Variants in COMP observed in about 807,000 individuals in gnomAD.
The protein encoded by COMP is cartilage oligomeric matrix protein, also known as cartilage oligomeric matrix protein (pseudoachondroplasia, epiphyseal dysplasia 1, multiple).
In COMP, 79 loss-of-function variants were observed where a neutral mutation model predicts 95.8. That is an observed-to-expected ratio of 0.82 (90% confidence interval 0.69 to 0.99). The LOEUF (loss-of-function observed/expected upper bound fraction) is 0.99, where lower values mean the gene tolerates loss of function less well. Ranked by LOEUF, COMP falls within the 50% of genes least tolerant of loss-of-function variation. The pLI is 0.00. For synonymous variants in COMP, 438 were observed against 433.9 expected (o/e 1.01, Z -0.12); for missense variants, 906 against 1,076.1 (o/e 0.84, Z 2.21).
Position 18,788,419 on chromosome 19 carries a change from C to G in COMP, c.858G>C (p.Gln286His). 6.2e-7 allele frequency: 1 copy of G among 1,607,890 alleles called. No homozygotes were observed. The change falls in exon 8 of 19, where the codon CAG becomes CAC. Residue 286 changes from glutamine (Q) to histidine (H), a missense_variant. By Grantham distance (24) the Gln-to-His change is conservative. Coordinates refer to ENST00000222271, the MANE Select transcript of COMP (RefSeq NM_000095.3). This position sits in a 1 kb window ranked among gnomAD's most constrained non-coding sequence, Gnocchi z 4.7. ...CTCCGCCCCCACCCACCTTACGGCACTGGCGCTCCGGGCAGCGCAGCTTCT... is the reference window on the plus strand; with the variant it reads ...CTCCGCCCCCACCCACCTTACGGCAGTGGCGCTCCGGGCAGCGCAGCTTCT... Reference protein sequence around the residue: ...PDEKLRCPERQCRKDNCVTVP... With the variant: ...PDEKLRCPERHCRKDNCVTVP...
At chr19:18,785,199 C>G in intron 15 of COMP, 107 bp from the exon 16 acceptor site, 1 of 1,119,900 alleles carries the variant, frequency 8.9e-7, no homozygotes, top group Admixed American at 1.9e-5. Context: ...TGCCTGCAGA[C>G]CTGCACCATT....
At position 18,788,145 on chromosome 19, in the gene COMP, G is replaced by T; in HGVS notation, c.975+67C>A. The T allele has an allele frequency of 3.0e-6, 4 of 1,329,556 alleles. No individual in the cohort carries two copies. The highest frequency in any genetic ancestry group is 4.7e-5 in the East Asian group (2 of 42,816). 82.4% of individuals were successfully genotyped at this position (1,329,556 alleles called of 1,614,324 possible). A position where few individuals can be genotyped will look rare whatever the true frequency, so the allele number is the denominator to read the frequency against. On this transcript the variant is annotated intron_variant, in intron 9 of 18. Coordinates refer to ENST00000222271, the MANE Select transcript of COMP (RefSeq NM_000095.3). The surrounding 1 kb of genome is among the most constrained non-coding windows in gnomAD (Gnocchi z 4.7). ...TCTCCATCTCTTGACCTCGTGATCC[G>T]CCCGCCTCGGCCTCCCAAAGTGCTG...
rs777499225 is a variant in COMP at position 18,788,933 on chromosome 19, A to C, written c.529-20T>G. ...GCAAACCTAGGGGAGGGGAACTCAG[A>C]GGTCACCACCCCACGCAGACACCTC... On this transcript the variant is annotated intron_variant, in intron 5 of 18. Transcript: ENST00000222271. This position sits in a 1 kb window ranked among gnomAD's most constrained non-coding sequence, Gnocchi z 4.7. 1.9e-6 allele frequency: 3 copies of C among 1,611,936 alleles called. No individual in the cohort carries two copies. The South Asian group carries it at 3.3e-5, about 18-fold the overall frequency.
chr19:18,786,569 G>T lies in COMP; in HGVS notation c.1217C>A (p.Ala406Asp). Residue 406 changes from alanine to aspartate, a missense_variant, in exon 11 of 19, where the codon GCC (alanine) becomes GAC (aspartate). Transcript: ENST00000222271. ...GCTCTTCTGGGGACAGTTGTCACAGGCATCCCCTATACCATCGCCATCACT... is the reference window on the plus strand; with the variant it reads ...GCTCTTCTGGGGACAGTTGTCACAGTCATCCCCTATACCATCGCCATCACT... ...KDSDGDGIGDACDNCPQKSNP... is the reference protein window; with the variant it reads ...KDSDGDGIGDDCDNCPQKSNP... The T allele has an allele frequency of 6.2e-7, 1 of 1,614,068 alleles. No individual in the cohort carries two copies. Among genetic ancestry groups the T allele is most frequent in the South Asian group, 1.1e-5 (1 of 91,076 alleles).
rs2055196762 is a variant in COMP, at chr19:18,789,665, G to A, written c.390+277C>T. 6.6e-6 allele frequency among the ~76,000 whole-genome samples: 1 copy of A among 151,784 alleles called. No homozygotes were observed. The highest frequency in any genetic ancestry group is 1.5e-5 in the Non-Finnish European group (1 of 67,912). ...GCGATCCCCTGCGGCGAGGAGGGTA[G>A]CTGGGGCGGACCACCCCTGGCGGTG... On this transcript the variant is annotated intron_variant, in intron 4 of 18. Coordinates refer to ENST00000222271, the MANE Select transcript of COMP (RefSeq NM_000095.3). This position sits in a 1 kb window ranked among gnomAD's most constrained non-coding sequence, Gnocchi z 6.1.
rs557134436 is a variant in COMP at position 18,785,465 on chromosome 19, C to A, written c.1717+33G>T. On this transcript the variant is annotated intron_variant, in intron 15 of 18. Coordinates refer to ENST00000222271, the MANE Select transcript of COMP (RefSeq NM_000095.3). ...CTGGCCCCTCTCCCTGAGCCCGCTC[C>A]GTGGCAGGATAGCGCTGCTCCCCGC... is the stretch of plus-strand genomic sequence containing the variant. 2.5e-6 allele frequency: 4 copies of A among 1,612,266 alleles called. No individual in the cohort carries two copies. In the South Asian group the frequency reaches 3.3e-5, roughly 13 times the overall value.
Position 18,789,962 on chromosome 19 carries a change from G to A in COMP, c.370C>T (p.His124Tyr). 2 of 1,593,378 alleles carry A rather than the reference G, an allele frequency of 1.3e-6. No homozygotes were observed. Among genetic ancestry groups the A allele is most frequent in the Non-Finnish European group, 8.5e-7 (1 of 1,177,772 alleles). ...CGCACCTCGTTGACGTCGGTGCAGT[G>A]CGAGCCGTTGCCCGTGAAGCCCGCG... ...CPAGFTGNGSHCTDVNECNAH... is the reference protein window; with the variant it reads ...CPAGFTGNGSYCTDVNECNAH... Residue 124 changes from histidine to tyrosine, a missense_variant, in exon 4 of 19, where the codon CAC becomes TAC. Transcript: ENST00000222271. The surrounding 1 kb of genome is among the most constrained non-coding windows in gnomAD (Gnocchi z 6.1).
chr19:18,783,586 A>G (rs926351820), intron 17 of COMP, among the ~76,000 whole-genome samples: 8 of 150,552 alleles, frequency 5.3e-5, no homozygotes, highest in Non-Finnish European at 1.0e-4. Flanking sequence ...AGCTGGGACC[A>G]TGGGCACGTG....
intron 17 of COMP, 26 bp from the exon 18 acceptor site, chr19:18,783,219 G>C: frequency 6.2e-7 from 1 of 1,603,606 alleles, no homozygotes; most frequent in Non-Finnish European, 8.5e-7. Context: ...GGTGAGGCCT[G>C]GGGGACCTGG....
rs2055207964 is a variant in COMP at position 18,790,849 on chromosome 19, C to A, written c.165+1G>T. 2 of 1,561,196 alleles carry A rather than the reference C, an allele frequency of 1.3e-6. No homozygotes were observed. Among genetic ancestry groups the A allele is most frequent in the Non-Finnish European group, 1.7e-6 (2 of 1,155,754 alleles). On this transcript the variant is annotated splice_donor_variant, in intron 2 of 18. Coordinates refer to ENST00000222271, the MANE Select transcript of COMP (RefSeq NM_000095.3). LOFTEE classifies it high-confidence loss of function. ...CCCTGCCCCGCACCCGGGCCCCGCACCTGCTGCCGCAGCAGCTCCCGCACG... is the reference window on the plus strand; with the variant it reads ...CCCTGCCCCGCACCCGGGCCCCGCAACTGCTGCCGCAGCAGCTCCCGCACG...
chr19:18,788,948 G>T lies in COMP; in HGVS notation c.529-35C>A, dbSNP rs776116923. 4 of 1,606,722 alleles carry T rather than the reference G, an allele frequency of 2.5e-6. No homozygotes were observed. In the South Asian group the frequency reaches 4.4e-5, roughly 18 times the overall value. Reference sequence around the variant, plus strand: ...GGGAACTCAGAGGTCACCACCCCACGCAGACACCTCCGGACCTCCCACCTC... The same window carrying T: ...GGGAACTCAGAGGTCACCACCCCACTCAGACACCTCCGGACCTCCCACCTC... On this transcript the variant is annotated intron_variant, in intron 5 of 18. Coordinates refer to ENST00000222271, the MANE Select transcript of COMP (RefSeq NM_000095.3). The surrounding 1 kb of genome is among the most constrained non-coding windows in gnomAD (Gnocchi z 4.7).
At chr19:18,787,353 C>T (rs908561612) in intron 10 of COMP, 138 bp downstream of exon 10, 15 of 1,250,946 alleles carry the variant, frequency 1.2e-5, no homozygotes, top group Middle Eastern at 2.7e-4. Context: ...GGCGCCCCAC[C>T]ATGGTCTTTG....
rs1422744950 is a variant in COMP, at chr19:18,784,226, C to G, written c.2052G>C (p.Trp684Cys). 18 of 1,613,994 alleles carry G rather than the reference C, an allele frequency of 1.1e-5. No homozygotes were observed. The highest frequency in any genetic ancestry group is 1.5e-5 in the Non-Finnish European group (18 of 1,180,036). Residue 684 changes from tryptophan (W) to cysteine (C), a missense_variant, in exon 17 of 19, where the codon TGG becomes TGC. Physicochemically the swap from Trp to Cys is radical, Grantham distance 215. Transcript: ENST00000222271. This position sits in a 1 kb window ranked among gnomAD's most constrained non-coding sequence, Gnocchi z 4.9. ...CCACTTGGGGCCGGTGCTGCAGGAA[C>G]CAACGATAGGACTTCTTGTCCTTCC... is the stretch of plus-strand genomic sequence containing the variant. ...VGWKDKKSYR[W>C]FLQHRPQVGY...
chr19:18,784,255 C>G lies in COMP; in HGVS notation c.2023G>C (p.Gly675Arg). The change falls in exon 17 of 19, where the codon GGT becomes CGT. Residue 675 changes from glycine to arginine, a missense_variant. Coordinates refer to ENST00000222271, the MANE Select transcript of COMP (RefSeq NM_000095.3). The surrounding 1 kb of genome is among the most constrained non-coding windows in gnomAD (Gnocchi z 4.9). ...CGATAGGACTTCTTGTCCTTCCAAC[C>G]CACGTTTCGCGGGTCCTTCCACAGC... ...RLLWKDPRNV[G>R]WKDKKSYRWF... The G allele has an allele frequency of 6.2e-7, 1 of 1,614,102 alleles. No homozygotes were observed.
At position 18,788,274 on chromosome 19, in the gene COMP, G is replaced by C; in HGVS notation, c.913C>G (p.Arg305Gly). The change falls in exon 9 of 19, where the codon CGC becomes GGC. Residue 305 changes from arginine to glycine, a missense_variant. Transcript: ENST00000222271. This position sits in a 1 kb window ranked among gnomAD's most constrained non-coding sequence, Gnocchi z 4.7. ...TCGCAGGCGTCTCCGATGCCATCGC[G>C]GTCCACATCCTCCTGCCCTGAGTTG... ...VPNSGQEDVD[R>G]DGIGDACDPD... The C allele has an allele frequency of 1.2e-6, 2 of 1,613,174 alleles. No individual in the cohort carries two copies. Among genetic ancestry groups the C allele is most frequent in the Admixed American group, 1.7e-5 (1 of 60,010 alleles).
chr19:18,783,588 G>A (rs991704133), intron 17 of COMP, among the ~76,000 whole-genome samples: 1 of 151,832 alleles, frequency 6.6e-6, no homozygotes, highest in African/African-American at 2.4e-5. Flanking sequence ...CTGGGACCAT[G>A]GGCACGTGCC....
At position 18,787,880 on chromosome 19, in the gene COMP, TTC is replaced by T. The variant is rs2055180484; in HGVS notation, c.976-232_976-231del. 9.1e-5 allele frequency among the ~76,000 whole-genome samples: 8 copies of T among 87,642 alleles called. No individual in the cohort carries two copies. The East Asian group carries it at 0.01, about 111-fold the overall frequency. 57.5% of individuals were successfully genotyped at this position (87,642 alleles called of 152,430 possible). On this transcript the variant is annotated intron_variant, in intron 9 of 18. Transcript: ENST00000222271. ...TTTCTTTTTCTCTTTCTTTCTTTCT[TTC>T]TTTCTTTCTTTCTTTCTTTCTTTCT...
In COMP at chr19:18,787,596, A is replaced by G; in HGVS notation, c.1030T>C (p.Trp344Arg). The change falls in exon 10 of 19, where the codon TGG becomes CGG. Residue 344 changes from tryptophan (W) to arginine (R), a missense_variant. Transcript: ENST00000222271. ...PDQRNTDEDK[W>R]GDACDNCRSQ... ...CGGCAGTTGTCGCACGCATCGCCCC[A>G]CTTGTCCTCGTCCGTGTTGCGCTGG... 2 of 1,613,670 alleles carry G rather than the reference A, an allele frequency of 1.2e-6. No individual in the cohort carries two copies. The highest frequency in any genetic ancestry group is 1.7e-6 in the Non-Finnish European group (2 of 1,179,978).
chr19:18,789,335 G>C lies in COMP; in HGVS notation c.391-38C>G, dbSNP rs748780078. On this transcript the variant is annotated intron_variant, in intron 4 of 18. Transcript: ENST00000222271. This position sits in a 1 kb window ranked among gnomAD's most constrained non-coding sequence, Gnocchi z 6.1. ...GGGCCACAGAGGGTCAGAGGGCTTCGAGCTGGGCCCTGGGGGCCGCACCTC... is the reference window on the plus strand; with the variant it reads ...GGGCCACAGAGGGTCAGAGGGCTTCCAGCTGGGCCCTGGGGGCCGCACCTC... 2.1e-6 allele frequency: 3 copies of C among 1,443,574 alleles called. No individual in the cohort carries two copies. The highest frequency in any genetic ancestry group is 2.5e-5 in the East Asian group (1 of 39,582). 89.4% of individuals were successfully genotyped at this position (1,443,574 alleles called of 1,614,324 possible). A position where few individuals can be genotyped will look rare whatever the true frequency, so the allele number is the denominator to read the frequency against.
Sources: gnomAD v4.1 joint callset for allele counts (sites outside exome capture counted in the v4.1 genomes callset) on GRCh38, gnomAD v4.1.1 for gene constraint, Gnocchi (gnomAD v3.1) non-coding constraint, MANE v1.5 for transcripts, NCBI Gene and HGNC (gene_info 2026-07-23, HGNC 2026-07-21) for gene names.